Variants in CPEB1 observed in about 807,000 individuals in gnomAD.
CPEB1 encodes the protein cytoplasmic polyadenylation element binding protein 1, also known as cytoplasmic polyadenylation element-binding protein 1.
A neutral mutation model predicts 65.8 loss-of-function variants in CPEB1; 7 were observed. The observed-to-expected ratio is 0.11, with a 90% CI of 0.06 to 0.20. The LOEUF (loss-of-function observed/expected upper bound fraction) is 0.20. Ranked by LOEUF, CPEB1 falls within the 10% of genes least tolerant of loss-of-function variation. The pLI is 1.00. For missense variants in CPEB1, 551 were observed against 712.2 expected (o/e 0.77, Z 2.58); for synonymous variants, 262 against 260.0 (o/e 1.01, Z -0.08).
At chr15:82,593,323 C>T (rs181055298) in intron 3 of CPEB1, among the ~76,000 whole-genome samples, 1 of 152,332 alleles carries the variant, frequency 6.6e-6, no homozygotes, top group Non-Finnish European at 1.5e-5. Flanking sequence ...ATTCTAAATC[C>T]TTTGTTGTCT....
intron 3 of CPEB1, among the ~76,000 whole-genome samples, chr15:82,582,749 T>C (rs923103720): frequency 3.4e-5 from 5 of 146,966 alleles, no homozygotes; most frequent in Admixed American, 6.8e-5. Context: ...TTTTTTTTTT[T>C]TTTTTTTTTT....
intron 3 of CPEB1, among the ~76,000 whole-genome samples, chr15:82,612,327 T>C (rs2044239181): frequency 6.6e-6 from 1 of 151,660 alleles, no homozygotes; most frequent in African/African-American, 2.4e-5. Flanking sequence ...TGAAACCCCA[T>C]CTCTACTAAA....
At chr15:82,560,400 GTT>G (rs548856094) in intron 4 of CPEB1, among the ~76,000 whole-genome samples, 19 of 134,342 alleles carry the variant, frequency 1.4e-4, no homozygotes, top group African/African-American at 1.7e-4. Context: ...ATTGTCATTT[GTT>G]TTTTTTTTTT....
chr15:82,647,939 C>G (rs1252072927), upstream of CPEB1: 2 of 1,184,104 alleles, frequency 1.7e-6, no homozygotes, highest in African/African-American at 3.2e-5. Context: ...CGCGCACGCA[C>G]GTGGGCACTA....
At chr15:82,577,399 T>TA (rs1032771412) in intron 3 of CPEB1, among the ~76,000 whole-genome samples, 11 of 152,208 alleles carry the variant, frequency 7.2e-5, no homozygotes, top group African/African-American at 2.2e-4. Flanking sequence ...AATTTTTTTT[T>TA]AATTTCCTAC....
intron 3 of CPEB1, among the ~76,000 whole-genome samples, chr15:82,612,920 A>G (rs1400660469): frequency 1.3e-5 from 2 of 152,178 alleles, no homozygotes; most frequent in Non-Finnish European, 2.9e-5. Flanking sequence ...CCTCAAAAAA[A>G]CAAAAACAAA....
At chr15:82,558,381 ATTTG>A (rs1322769062) in intron 4 of CPEB1, among the ~76,000 whole-genome samples, 2 of 152,180 alleles carry the variant, frequency 1.3e-5, no homozygotes, top group African/African-American at 2.4e-5. Context: ...CTGCCTGACG[ATTTG>A]TTTATTAGAA....
intron 3 of CPEB1, among the ~76,000 whole-genome samples, chr15:82,576,493 T>C (rs75424756): frequency 0.99 from 151,124 of 152,322 alleles, 74,971 homozygotes; most frequent in East Asian, 1. Flanking sequence ...TAATGATATG[T>C]ATGGTGAAGG....
rs1750937335 is a variant in CPEB1 at position 82,549,584 on chromosome 15, C to T, written c.1356G>A (p.Arg452=). 6.2e-7 allele frequency: 1 copy of T among 1,614,104 alleles called. No individual in the cohort carries two copies. Among genetic ancestry groups the T allele is most frequent in the African/African-American group, 1.3e-5 (1 of 74,920 alleles). ...CATGCAGAGCACCGACAAACACCGT[C>T]CTGCTGGGGTCAAGCCTCTGAGATG... ...RSPSQRLDPS[R]TVFVGALHGM... The change falls in exon 10 of 13, where the codon AGG becomes AGA. Residue 452 remains arginine, a synonymous_variant. Coordinates refer to ENST00000684509, the MANE Select transcript of CPEB1 (RefSeq NM_001365242.1).
intron 3 of CPEB1, among the ~76,000 whole-genome samples, chr15:82,616,528 TCTTTTTAA>T (rs1428902914): frequency 1.3e-5 from 2 of 151,598 alleles, no homozygotes; most frequent in Non-Finnish European, 2.9e-5. Flanking sequence ...TTTACATTCC[TCTTTTTAA>T]ATTTTTTTTT....
chr15:82,625,450 C>T (rs867847029), intron 3 of CPEB1, among the ~76,000 whole-genome samples: 45 of 152,120 alleles, frequency 3.0e-4, no homozygotes, highest in African/African-American at 1.0e-3. Context: ...TTATTTCTAA[C>T]GCCAAGTTAA....
chr15:82,613,446 G>C (rs553791963), intron 3 of CPEB1, among the ~76,000 whole-genome samples: 1 of 151,696 alleles, frequency 6.6e-6, no homozygotes, highest in African/African-American at 2.4e-5. Context: ...GGAGTGCAGC[G>C]GCACGATCTT....
chr15:82,606,711 G>C (rs1403334636), intron 3 of CPEB1, among the ~76,000 whole-genome samples: 2 of 99,874 alleles, frequency 2.0e-5, no homozygotes, highest in Non-Finnish European at 4.0e-5. Flanking sequence ...CCAGCTACTT[G>C]GGAGGCTGAG....
At chr15:82,582,406 G>C (rs2041365875) in intron 3 of CPEB1, among the ~76,000 whole-genome samples, 1 of 152,178 alleles carries the variant, frequency 6.6e-6, no homozygotes, top group Non-Finnish European at 1.5e-5. Context: ...AGCCACAAAA[G>C]AAAGCAGGAA....
chr15:82,594,705 G>A (rs72751662), intron 3 of CPEB1, among the ~76,000 whole-genome samples: 20,522 of 152,188 alleles, frequency 0.13, 1,610 homozygotes, highest in Non-Finnish European at 0.19. Flanking sequence ...CACAGCTTTC[G>A]ACATGTCTTC....
chr15:82,554,290 T>C (rs886645808), intron 6 of CPEB1, among the ~76,000 whole-genome samples: 1 of 152,220 alleles, frequency 6.6e-6, no homozygotes, highest in Non-Finnish European at 1.5e-5. Flanking sequence ...TCAACTAATA[T>C]GCTAACCACA....
intron 12 of CPEB1, among the ~76,000 whole-genome samples, chr15:82,545,523 G>A (rs890980447): frequency 6.6e-6 from 1 of 152,110 alleles, no homozygotes; most frequent in Non-Finnish European, 1.5e-5. Context: ...ACACCACTTG[G>A]ATACTTGTTG....
chr15:82,632,663 C>T (rs2046359416), intron 1 of CPEB1, among the ~76,000 whole-genome samples: 1 of 151,920 alleles, frequency 6.6e-6, no homozygotes, highest in Non-Finnish European at 1.5e-5. Context: ...TACAGACAGG[C>T]GCCACCATGC....
chr15:82,582,688 C>T (rs1003135872), intron 3 of CPEB1, among the ~76,000 whole-genome samples: 1 of 151,418 alleles, frequency 6.6e-6, no homozygotes, highest in African/African-American at 2.4e-5. Context: ...CTTTTCTGCA[C>T]TCAGGTCCCC....
Sources: allele counts gnomAD v4.1 joint callset (sites outside exome capture counted in the v4.1 genomes callset), GRCh38; gene constraint gnomAD v4.1.1; transcripts MANE v1.5; gene names NCBI Gene and HGNC (gene_info 2026-07-23, HGNC 2026-07-21).